ST6GAL1: variants seen among roughly 807,000 people sequenced by gnomAD.
The protein encoded by ST6GAL1 is beta-galactoside alpha-2,6-sialyltransferase 1.
A neutral mutation model predicts 38.0 loss-of-function variants in ST6GAL1; 20 were observed. The observed-to-expected ratio is 0.53, with a 90% CI of 0.37 to 0.77. ST6GAL1 has a LOEUF of 0.77. Ranked by LOEUF, ST6GAL1 falls within the 30% of genes least tolerant of loss-of-function variation. ST6GAL1 has a pLI of 0.00. For missense variants in ST6GAL1, 432 were observed against 496.4 expected, an observed-to-expected ratio of 0.87 and a Z score of 1.23; for synonymous variants, 196 against 188.2, an observed-to-expected ratio of 1.04 and a Z score of -0.34.
At chr3:187,059,898 A>G (rs1469423410) in intron 5 of ST6GAL1, among the ~76,000 whole-genome samples, 1 of 152,232 alleles carries the variant, frequency 6.6e-6, no homozygotes, top group Non-Finnish European at 1.5e-5. Flanking sequence ...GTACTAGGAG[A>G]GCCCTGAAAG....
chr3:187,019,271 GAT>G (rs1560164571), intron 2 of ST6GAL1, among the ~76,000 whole-genome samples: 1 of 152,140 alleles, frequency 6.6e-6, no homozygotes, highest in African/African-American at 2.4e-5. Context: ...GGGATGAGGA[GAT>G]ATGAAAAATC....
intron 2 of ST6GAL1, among the ~76,000 whole-genome samples, chr3:186,991,191 T>C (rs1388659497): frequency 2.6e-5 from 4 of 152,200 alleles, no homozygotes; most frequent in African/African-American, 4.8e-5. Flanking sequence ...TTATTTTCCC[T>C]TGGGTGGAGT....
intron 1 of ST6GAL1, among the ~76,000 whole-genome samples, chr3:186,960,706 T>A (rs929097386): frequency 2.6e-5 from 4 of 152,024 alleles, no homozygotes; most frequent in Non-Finnish European, 5.9e-5. Context: ...GTCATCCAAC[T>A]ACACTTTAGC....
intron 1 of ST6GAL1, among the ~76,000 whole-genome samples, chr3:186,940,592 G>C (rs1714132890): frequency 6.6e-6 from 1 of 152,138 alleles, no homozygotes; most frequent in South Asian, 2.1e-4. Context: ...GCGTTTTTTT[G>C]TGTTTTTCTT....
At chr3:186,936,163 AT>A (rs1483357413) in intron 1 of ST6GAL1, among the ~76,000 whole-genome samples, 1 of 152,184 alleles carries the variant, frequency 6.6e-6, no homozygotes, top group Non-Finnish European at 1.5e-5. Context: ...TTGTCTCAGT[AT>A]TGACCTCTGG....
At chr3:187,022,438 TGA>T (rs1717358456) in intron 2 of ST6GAL1, among the ~76,000 whole-genome samples, 1 of 152,130 alleles carries the variant, frequency 6.6e-6, no homozygotes, top group South Asian at 2.1e-4. Flanking sequence ...TAACAGTAGC[TGA>T]GAGAGTCAAG....
chr3:187,050,560 G>GAGACAC (rs371144529), intron 4 of ST6GAL1, among the ~76,000 whole-genome samples: 1 of 149,588 alleles, frequency 6.7e-6, no homozygotes, highest in Non-Finnish European at 1.5e-5. Flanking sequence ...GAGAGAGAGA[G>GAGACAC]GGAGGGAGGG....
At chr3:186,988,013 C>T (rs1000071644) in intron 2 of ST6GAL1, among the ~76,000 whole-genome samples, 3 of 152,044 alleles carry the variant, frequency 2.0e-5, no homozygotes, top group Non-Finnish European at 4.4e-5. Context: ...TTTGTGGTGT[C>T]GGCACAGTAA....
At chr3:186,985,076 T>G (rs989987162) in intron 2 of ST6GAL1, among the ~76,000 whole-genome samples, 2 of 151,696 alleles carry the variant, frequency 1.3e-5, no homozygotes, top group Admixed American at 6.6e-5. Flanking sequence ...ACATGGCTAA[T>G]TTTTGTATTT....
rs1228414867 is a variant in ST6GAL1, at chr3:187,064,622, T to G, written c.706-8227T>G. The G allele has an allele frequency of 1.5e-5, 7 of 456,630 alleles. No homozygotes were observed. The Admixed American group carries it at 1.6e-4, about 11-fold the overall frequency. The allele number at this position is 456,630 out of a possible 1,614,324, so 28.3% of individuals were successfully genotyped here. On this transcript the variant is annotated intron_variant, in intron 5 of 7. Transcript: ENST00000169298. ...CCTTTCCTGCTGCTTCTTAGGCAAG[T>G]CAGCTCTCTTTTCTCACCTCCTGTA...
At chr3:186,975,383 C>T (rs896297665) in intron 2 of ST6GAL1, among the ~76,000 whole-genome samples, 13 of 152,146 alleles carry the variant, frequency 8.5e-5, no homozygotes, top group African/African-American at 3.1e-4. Context: ...GGTTGGGAGA[C>T]TGTTGTGAGG....
At chr3:186,970,515 G>A (rs998965254) in intron 2 of ST6GAL1, among the ~76,000 whole-genome samples, 4 of 151,896 alleles carry the variant, frequency 2.6e-5, no homozygotes, top group Non-Finnish European at 5.9e-5. Flanking sequence ...GAGCCACTGC[G>A]CCCGGTGGAT....
intron 4 of ST6GAL1, among the ~76,000 whole-genome samples, chr3:187,049,016 G>A (rs563217285): frequency 3.3e-5 from 5 of 149,984 alleles, no homozygotes; most frequent in Non-Finnish European, 5.9e-5. Flanking sequence ...TCAGCCTCCA[G>A]AGTAGCTAGG....
chr3:187,011,729 T>A (rs1716962434), intron 2 of ST6GAL1, among the ~76,000 whole-genome samples: 1 of 152,244 alleles, frequency 6.6e-6, no homozygotes, highest in South Asian at 2.1e-4. Context: ...TTAACTTTTT[T>A]ACCTATTTTA....
chr3:187,058,059 C>G (rs1160483732), intron 5 of ST6GAL1, among the ~76,000 whole-genome samples: 1 of 152,230 alleles, frequency 6.6e-6, no homozygotes, highest in Non-Finnish European at 1.5e-5. Flanking sequence ...GACTGCTGCA[C>G]TAGCAGTGAG....
Position 187,076,245 on chromosome 3 carries a change from C to T in ST6GAL1, c.*442C>T, listed in dbSNP as rs1273477829. The T allele has an allele frequency of 5.7e-6, 1 of 175,594 alleles. No homozygotes were observed. Among genetic ancestry groups the T allele is most frequent in the Non-Finnish European group, 1.2e-5 (1 of 82,316 alleles). The allele number at this position is 175,594 out of a possible 1,614,324, so 10.9% of individuals were successfully genotyped here. On this transcript the variant is annotated 3_prime_UTR_variant, in exon 8 of 8. Coordinates refer to ENST00000169298, the MANE Select transcript of ST6GAL1 (RefSeq NM_173216.2). ...AAATTCTCTTAAATTACAATTGTGC[C>T]CAATGCAGGGTGGCTCTGGGGGGCA...
At chr3:187,074,019 C>A in intron 6 of ST6GAL1, 140 bp from the exon 7 acceptor site, 2 of 704,840 alleles carry the variant, frequency 2.8e-6, no homozygotes, top group Non-Finnish European at 4.4e-6. Context: ...CTGTAGTCTG[C>A]TGCAAGAAAA....
chr3:187,068,353 A>AG (rs1027806118), intron 5 of ST6GAL1, among the ~76,000 whole-genome samples: 1 of 151,766 alleles, frequency 6.6e-6, no homozygotes, highest in African/African-American at 2.4e-5. Context: ...AAAAAAAAAA[A>AG]AAAAAAGAAG....
chr3:187,005,338 C>T lies in ST6GAL1; in HGVS notation c.-182-33404C>T, dbSNP rs971015271. ...TCGCCCAGGCTGGAGTGCAGTGGCG[C>T]GATCTCGGCTCAGTGCAAGCTCCAC... On this transcript the variant is annotated intron_variant, in intron 2 of 7. Coordinates refer to ENST00000169298, the MANE Select transcript of ST6GAL1 (RefSeq NM_173216.2). 6.3e-5 allele frequency among the ~76,000 whole-genome samples: 9 copies of T among 143,236 alleles called. No individual in the cohort carries two copies. In the East Asian group the frequency reaches 1.5e-3, roughly 23 times the overall value. The allele number at this position is 143,236 out of a possible 152,430, so 94.0% of individuals were successfully genotyped here.
Sources: allele counts gnomAD v4.1 joint callset (sites outside exome capture counted in the v4.1 genomes callset), GRCh38; gene constraint gnomAD v4.1.1; transcripts MANE v1.5; gene names NCBI Gene and HGNC (gene_info 2026-07-23, HGNC 2026-07-21).